GSG1L: variants seen among roughly 807,000 people sequenced by gnomAD.
GSG1L encodes GSG1 like.
A neutral mutation model predicts 42.1 loss-of-function variants in GSG1L; 24 were observed. The ratio of observed to expected loss-of-function variants is 0.57; its 90% CI spans 0.41 to 0.80. The LOEUF (loss-of-function observed/expected upper bound fraction) is 0.80, where lower values mean the gene tolerates loss of function less well. GSG1L is among the 30% of genes least tolerant of loss of function. GSG1L has a pLI of 0.00. For missense variants in GSG1L, 445 were observed against 472.2 expected (o/e 0.94, Z 0.53); for synonymous variants, 215 against 203.5 (o/e 1.06, Z -0.48).
chr16:27,813,904 C>T (rs774780136), intron 5 of GSG1L, among the ~76,000 whole-genome samples: 4 of 152,164 alleles, frequency 2.6e-5, no homozygotes, highest in African/African-American at 4.8e-5. Context: ...CTCACTGGGC[C>T]GCTCTGAATC....
At position 27,881,924 on chromosome 16, in the gene GSG1L, C is replaced by A. The variant is rs560288314; in HGVS notation, c.550+2562G>T. ...GCCTTGTTGCTTTGCATCAATATGA[C>A]TCCTGCAGCCTCCTGGTTGGCCTCC... On this transcript the variant is annotated intron_variant, in intron 3 of 6. Transcript: ENST00000447459. 2.0e-5 allele frequency among the ~76,000 whole-genome samples: 3 copies of A among 152,232 alleles called. No homozygotes were observed. The South Asian group carries it at 6.2e-4, about 32-fold the overall frequency.
chr16:27,840,536 G>C (rs536611227), intron 4 of GSG1L, among the ~76,000 whole-genome samples: 1 of 152,094 alleles, frequency 6.6e-6, no homozygotes, highest in Non-Finnish European at 1.5e-5. Context: ...AGGAGGGCTC[G>C]CACTCACCGA....
At chr16:27,931,278 C>T (rs919248232) in intron 2 of GSG1L, among the ~76,000 whole-genome samples, 7 of 152,136 alleles carry the variant, frequency 4.6e-5, no homozygotes, top group African/African-American at 1.4e-4. Flanking sequence ...GACAGCTTCC[C>T]GGCTGCAATC....
At position 28,002,930 on chromosome 16, in the gene GSG1L, C is replaced by T. The variant is rs182584440; in HGVS notation, c.350-39727G>A. On this transcript the variant is annotated intron_variant, in intron 1 of 6. Coordinates refer to ENST00000447459, the MANE Select transcript of GSG1L (RefSeq NM_001109763.2). ...CAGCCTGGGTGACAGAGCGAGACTC[C>T]GTCTCAGAAAAAAAAGAAAGAAAGA... Among the ~76,000 whole-genome samples, 539 of 150,390 alleles carry T rather than the reference C, an allele frequency of 3.6e-3. 4 individuals carry two copies. The highest frequency in any genetic ancestry group is 0.013 in the African/African-American group (509 of 39,956).
chr16:27,811,618 C>G (rs936349058), intron 5 of GSG1L, among the ~76,000 whole-genome samples: 3 of 152,210 alleles, frequency 2.0e-5, no homozygotes, highest in Admixed American at 2.0e-4. Context: ...CCCCTCCATC[C>G]ATCCTCAGCT....
At chr16:27,869,752 CTTCTCTGTCTCTGT>C (rs2083786163) in intron 3 of GSG1L, among the ~76,000 whole-genome samples, 1 of 101,188 alleles carries the variant, frequency 9.9e-6, no homozygotes, top group African/African-American at 4.0e-5. Flanking sequence ...TCTCTCTCTC[CTTCTCTGTCTCTGT>C]CTCCCTCTAG....
chr16:28,041,871 T>G (rs2086110205), intron 1 of GSG1L, among the ~76,000 whole-genome samples: 1 of 152,210 alleles, frequency 6.6e-6, no homozygotes, highest in Non-Finnish European at 1.5e-5. Context: ...GCATCGCAGA[T>G]GTTGAATGGC....
chr16:28,036,044 A>G (rs2086031640), intron 1 of GSG1L, among the ~76,000 whole-genome samples: 1 of 152,160 alleles, frequency 6.6e-6, no homozygotes, highest in Non-Finnish European at 1.5e-5. Flanking sequence ...AAACAGCTTG[A>G]AAAAAGTTAT....
At chr16:27,838,043 T>C (rs1179175428) in intron 4 of GSG1L, among the ~76,000 whole-genome samples, 2 of 152,206 alleles carry the variant, frequency 1.3e-5, no homozygotes, top group Non-Finnish European at 2.9e-5. Context: ...ATTGTGGTTG[T>C]ATTGAAGAAG....
chr16:27,845,496 C>T (rs1484466676), intron 3 of GSG1L, among the ~76,000 whole-genome samples: 1 of 152,120 alleles, frequency 6.6e-6, no homozygotes, highest in Non-Finnish European at 1.5e-5. Flanking sequence ...TCAGCCTCCC[C>T]AAGTGCTAGG....
intron 1 of GSG1L, among the ~76,000 whole-genome samples, chr16:28,051,801 G>C (rs556131612): frequency 3.9e-5 from 6 of 152,328 alleles, no homozygotes; most frequent in African/African-American, 1.4e-4. Flanking sequence ...GGCAGGTCTT[G>C]TAGCTACCAG....
At chr16:27,888,973 G>T (rs1453665874) in intron 2 of GSG1L, among the ~76,000 whole-genome samples, 1 of 146,516 alleles carries the variant, frequency 6.8e-6, no homozygotes, top group African/African-American at 2.5e-5. Flanking sequence ...TATAGATATA[G>T]ATAGATATAC....
chr16:27,971,447 G>A (rs1009511628), intron 1 of GSG1L, among the ~76,000 whole-genome samples: 10 of 152,186 alleles, frequency 6.6e-5, no homozygotes, highest in African/African-American at 2.4e-4. Flanking sequence ...ATTTTGGATT[G>A]TTCATTGCCA....
At chr16:28,000,430 C>G (rs2085568724) in intron 1 of GSG1L, among the ~76,000 whole-genome samples, 1 of 152,208 alleles carries the variant, frequency 6.6e-6, no homozygotes, top group Admixed American at 6.5e-5. Flanking sequence ...TCTGGACGAT[C>G]CCCCAGCAGA....
intron 1 of GSG1L, among the ~76,000 whole-genome samples, chr16:28,024,748 G>A (rs2085881582): frequency 6.6e-6 from 1 of 152,182 alleles, no homozygotes; most frequent in South Asian, 2.1e-4. Flanking sequence ...ACCTCATAGT[G>A]CTATTGTGAG....
rs1220763120 is a variant in GSG1L, at chr16:27,789,348, AATGGATGG to A, written c.*2014_*2021del. 1 of 151,592 alleles carries A rather than the reference AATGGATGG, an allele frequency of 6.6e-6. No homozygotes were observed. Among genetic ancestry groups the A allele is most frequent in the Non-Finnish European group, 1.5e-5 (1 of 67,866 alleles). The allele number at this position is 151,592 out of a possible 1,614,324, so 9.4% of individuals were successfully genotyped here. A position where few individuals can be genotyped will look rare whatever the true frequency, so the allele number is the denominator to read the frequency against. On this transcript the variant is annotated 3_prime_UTR_variant, in exon 7 of 7. Coordinates refer to ENST00000447459, the MANE Select transcript of GSG1L (RefSeq NM_001109763.2). Reference sequence around the variant, plus strand: ...ATGAATGGATGTGTGGATGACGGATAATGGATGGATGGATGGTTGATGGATAATGGGCA... The same window carrying A: ...ATGAATGGATGTGTGGATGACGGATAATGGATGGTTGATGGATAATGGGCA...
Position 28,034,629 on chromosome 16 carries a change from G to C in GSG1L, c.349+28447C>G, listed in dbSNP as rs114891258. 4.9e-3 allele frequency among the ~76,000 whole-genome samples: 748 copies of C among 152,158 alleles called. 4 individuals carry two copies. Among genetic ancestry groups the C allele is most frequent in the African/African-American group, 0.017 (710 of 41,504 alleles). On this transcript the variant is annotated intron_variant, in intron 1 of 6. Coordinates refer to ENST00000447459, the MANE Select transcript of GSG1L (RefSeq NM_001109763.2). ...TCCCATGGGGTGACAACACAGGCAG[G>C]GGAGAGGCCAAGGTTAGGACTCAGG... is the stretch of plus-strand genomic sequence containing the variant.
chr16:28,057,213 G>A (rs2086289590), intron 1 of GSG1L, among the ~76,000 whole-genome samples: 1 of 152,160 alleles, frequency 6.6e-6, no homozygotes, highest in African/African-American at 2.4e-5. Context: ...ATCCGCCTCA[G>A]ATGGAACAGG....
intron 4 of GSG1L, among the ~76,000 whole-genome samples, chr16:27,837,075 T>C (rs536244881): frequency 4.6e-5 from 7 of 152,106 alleles, no homozygotes; most frequent in Non-Finnish European, 1.0e-4. Context: ...TCTGTGTAAT[T>C]TATAAAGGGA....
Sources: allele counts gnomAD v4.1 joint callset (sites outside exome capture counted in the v4.1 genomes callset), GRCh38; gene constraint gnomAD v4.1.1; transcripts MANE v1.5; gene names NCBI Gene and HGNC (gene_info 2026-07-23, HGNC 2026-07-21).